Variants in KCNB2 observed in about 807,000 individuals in gnomAD.
KCNB2 encodes the protein potassium voltage-gated channel subfamily B member 2, also known as delayed rectifier potassium channel protein.
Under a neutral mutation model 61.5 loss-of-function variants are expected in KCNB2, and 15 were observed. That is an observed-to-expected ratio of 0.24 (90% CI 0.16 to 0.38). The LOEUF (loss-of-function observed/expected upper bound fraction) is 0.38, where lower values mean the gene tolerates loss of function less well. Among genes scored for constraint, KCNB2 ranks in the 10% least tolerant of loss-of-function variants. The pLI is 1.00. For missense variants in KCNB2, 828 were observed against 1,125.2 expected, an observed-to-expected ratio of 0.74 and a Z score of 3.78; for synonymous variants, 457 against 446.0, an observed-to-expected ratio of 1.02 and a Z score of -0.31.
chr8:72,601,754 G>A (rs1273760813), intron 2 of KCNB2, among the ~76,000 whole-genome samples: 2 of 152,102 alleles, frequency 1.3e-5, no homozygotes, highest in African/African-American at 4.8e-5. Context: ...GTACTAATGT[G>A]GTTTCTTGAC....
At chr8:72,758,811 G>T (rs1808334079) in intron 2 of KCNB2, among the ~76,000 whole-genome samples, 1 of 152,146 alleles carries the variant, frequency 6.6e-6, no homozygotes, top group African/African-American at 2.4e-5. Context: ...TATATTTTTT[G>T]AAGAAAGAAC....
intron 2 of KCNB2, among the ~76,000 whole-genome samples, chr8:72,904,572 A>G (rs1433478346): frequency 6.6e-6 from 1 of 152,206 alleles, no homozygotes; most frequent in Non-Finnish European, 1.5e-5. Flanking sequence ...TTTAACAATT[A>G]GACAAGAGAA....
intron 2 of KCNB2, among the ~76,000 whole-genome samples, chr8:72,646,600 T>C (rs887304148): frequency 6.6e-6 from 1 of 152,172 alleles, no homozygotes; most frequent in Non-Finnish European, 1.5e-5. Flanking sequence ...GAGGACATTG[T>C]GTTGCGTGAA....
At chr8:72,612,184 A>G (rs1210824291) in intron 2 of KCNB2, among the ~76,000 whole-genome samples, 1 of 152,192 alleles carries the variant, frequency 6.6e-6, no homozygotes, top group African/African-American at 2.4e-5. Context: ...GATAGTAAGC[A>G]TTAACATCAT....
At chr8:72,586,086 T>C (rs796742841) in intron 2 of KCNB2, among the ~76,000 whole-genome samples, 3 of 152,158 alleles carry the variant, frequency 2.0e-5, no homozygotes, top group African/African-American at 7.2e-5. Flanking sequence ...GAAGAAAAAA[T>C]GTCCACACTG....
intron 2 of KCNB2, among the ~76,000 whole-genome samples, chr8:72,619,736 T>C (rs910859292): frequency 2.0e-5 from 3 of 152,032 alleles, no homozygotes; most frequent in Non-Finnish European, 2.9e-5. Flanking sequence ...AAAAAAAGAG[T>C]TTCTCAATAT....
intron 2 of KCNB2, among the ~76,000 whole-genome samples, chr8:72,801,384 G>A (rs957787762): frequency 7.9e-5 from 12 of 152,126 alleles, no homozygotes; most frequent in Non-Finnish European, 4.4e-5. Context: ...TTTGTGGTGA[G>A]CCCCCTTGGG....
At chr8:72,772,153 G>A (rs1026906960) in intron 2 of KCNB2, among the ~76,000 whole-genome samples, 1 of 152,174 alleles carries the variant, frequency 6.6e-6, no homozygotes, top group African/African-American at 2.4e-5. Context: ...TAAGTTGCAA[G>A]GCTGATTCTT....
At chr8:72,675,475 A>G (rs951175075) in intron 2 of KCNB2, among the ~76,000 whole-genome samples, 3 of 151,406 alleles carry the variant, frequency 2.0e-5, no homozygotes, top group African/African-American at 4.9e-5. Context: ...TTTCCCTGAC[A>G]TTAATGGGAG....
At chr8:72,774,437 G>A (rs187130137) in intron 2 of KCNB2, among the ~76,000 whole-genome samples, 6 of 152,174 alleles carry the variant, frequency 3.9e-5, no homozygotes, top group South Asian at 4.2e-4. Flanking sequence ...TGCAAACTCC[G>A]CCTCCCAGGT....
intron 2 of KCNB2, among the ~76,000 whole-genome samples, chr8:72,718,939 T>G (rs1488216847): frequency 6.6e-6 from 1 of 152,108 alleles, no homozygotes; most frequent in Non-Finnish European, 1.5e-5. Flanking sequence ...AAGGCGAGAT[T>G]TTTTTCCCCC....
At chr8:72,805,631 C>A (rs781108847) in intron 2 of KCNB2, among the ~76,000 whole-genome samples, 1 of 152,108 alleles carries the variant, frequency 6.6e-6, no homozygotes, top group African/African-American at 2.4e-5. Flanking sequence ...CCCTTTTTAC[C>A]CCTCATTAAC....
At chr8:72,664,925 C>T (rs540983038) in intron 2 of KCNB2, among the ~76,000 whole-genome samples, 4 of 152,050 alleles carry the variant, frequency 2.6e-5, no homozygotes, top group African/African-American at 7.2e-5. Context: ...GACAAAAGCC[C>T]GTGGCAGGAG....
intron 2 of KCNB2, among the ~76,000 whole-genome samples, chr8:72,895,251 G>A (rs1236390732): frequency 1.3e-5 from 2 of 152,174 alleles, no homozygotes; most frequent in Non-Finnish European, 2.9e-5. Flanking sequence ...CTTAAAATAG[G>A]GAGATTATCC....
intron 2 of KCNB2, among the ~76,000 whole-genome samples, chr8:72,635,495 G>A (rs575204523): frequency 6.6e-5 from 10 of 152,148 alleles, no homozygotes; most frequent in Non-Finnish European, 1.2e-4. Context: ...TGATTCTGCT[G>A]GGGAATATGA....
chr8:72,747,473 A>G (rs183476764), intron 2 of KCNB2, among the ~76,000 whole-genome samples: 2 of 152,288 alleles, frequency 1.3e-5, no homozygotes, highest in Admixed American at 1.3e-4. Context: ...TGACAGAGGC[A>G]TTCCCTCCAG....
At chr8:72,863,353 G>C (rs1483021385) in intron 2 of KCNB2, among the ~76,000 whole-genome samples, 1 of 152,116 alleles carries the variant, frequency 6.6e-6, no homozygotes, top group Non-Finnish European at 1.5e-5. Flanking sequence ...AACACAGCTT[G>C]AGCCTATCAA....
Position 72,678,414 on chromosome 8 carries a change from T to C in KCNB2, c.579+110101T>C, listed in dbSNP as rs753428948. Reference sequence around the variant, plus strand: ...AGGGTCCATGTGACTGTTTCTTCACTCATTCTGTTGCAGCCAATCTGGCCT... The same window carrying C: ...AGGGTCCATGTGACTGTTTCTTCACCCATTCTGTTGCAGCCAATCTGGCCT... On this transcript the variant is annotated intron_variant, in intron 2 of 2. Coordinates refer to ENST00000523207, the MANE Select transcript of KCNB2 (RefSeq NM_004770.3). 1.4e-3 allele frequency among the ~76,000 whole-genome samples: 215 copies of C among 152,252 alleles called. 1 individual carries two copies. The highest frequency in any genetic ancestry group is 4.8e-3 in the African/African-American group (199 of 41,540).
intron 1 of KCNB2, among the ~76,000 whole-genome samples, chr8:72,560,989 A>G (rs2128978132): frequency 6.6e-6 from 1 of 152,264 alleles, no homozygotes; most frequent in East Asian, 1.9e-4. Flanking sequence ...ATAAATTTGG[A>G]GACAGCTATG....
Sources: gnomAD v4.1 joint callset for allele counts (sites outside exome capture counted in the v4.1 genomes callset) on GRCh38, gnomAD v4.1.1 for gene constraint, MANE v1.5 for transcripts, NCBI Gene and HGNC (gene_info 2026-07-23, HGNC 2026-07-21) for gene names.